The following DLAT variants were observed in gnomAD, a reference collection of about 807,000 sequenced individuals.
The protein encoded by DLAT is dihydrolipoamide S-acetyltransferase, also known as dihydrolipoyllysine-residue acetyltransferase component of pyruvate dehydrogenase complex, mitochondrial.
In DLAT, 43 loss-of-function variants were observed where a neutral mutation model predicts 68.0. That is an observed-to-expected ratio of 0.63 (90% CI 0.50 to 0.81). DLAT has a LOEUF of 0.81. Ranked by LOEUF, DLAT falls within the 40% of genes least tolerant of loss-of-function variation. DLAT has a pLI of 0.00. For missense variants in DLAT, 745 were observed against 815.4 expected (o/e 0.91, Z 1.05); for synonymous variants, 265 against 288.6 (o/e 0.92, Z 0.83).
chr11:112,058,033 T>C (rs587632289), intron 11 of DLAT, among the ~76,000 whole-genome samples: 1 of 152,326 alleles, frequency 6.6e-6, no homozygotes, highest in South Asian at 2.1e-4. Context: ...TATTGCAATA[T>C]TATTTTGGTG....
Position 112,025,713 on chromosome 11 carries a change from C to A in DLAT, c.241C>A (p.Pro81Thr). The A allele has an allele frequency of 6.2e-7, 1 of 1,612,868 alleles. No individual in the cohort carries two copies. Among genetic ancestry groups the A allele is most frequent in the South Asian group, 1.1e-5 (1 of 91,080 alleles). Residue 81 changes from proline (P) to threonine (T), a missense_variant, in exon 1 of 14, where the codon CCC becomes ACC. Transcript: ENST00000280346. ...CTTACTGCTGCAGCTTTTGGGGTCG[C>A]CCGGCCGCCGCTATTACAGTCTTCC... ...NRLLLQLLGS[P>T]GRRYYSLPPH...
intron 8 of DLAT, among the ~76,000 whole-genome samples, chr11:112,044,231 G>T (rs2137786557): frequency 6.6e-6 from 1 of 152,194 alleles, no homozygotes; most frequent in Non-Finnish European, 1.5e-5. Context: ...GTCTCACTCT[G>T]TCGCCCAGGC....
intron 10 of DLAT, among the ~76,000 whole-genome samples, chr11:112,046,712 C>T (rs1296855596): frequency 2.0e-5 from 3 of 151,872 alleles, no homozygotes; most frequent in African/African-American, 4.8e-5. Flanking sequence ...TGAGAACATG[C>T]GGTGTTTGGT....
intron 11 of DLAT, among the ~76,000 whole-genome samples, chr11:112,054,539 G>A (rs1555182295): frequency 1.3e-5 from 2 of 152,108 alleles, no homozygotes; most frequent in African/African-American, 2.4e-5. Context: ...CTCCACAAGC[G>A]AGGAGAGGAG....
intron 8 of DLAT, among the ~76,000 whole-genome samples, chr11:112,044,351 C>A (rs971132597): frequency 6.6e-6 from 1 of 152,114 alleles, no homozygotes; most frequent in Non-Finnish European, 1.5e-5. Flanking sequence ...CATGCCATCA[C>A]ACCTGGCTAA....
Position 112,064,122 on chromosome 11 carries a change from A to G in DLAT, c.*1587A>G, listed in dbSNP as rs1555183584. ...AAGATTATCCAAAAGAAACAAGCTT[A>G]TCACAAGGGACCATCATCAATATGA... On this transcript the variant is annotated 3_prime_UTR_variant, in exon 14 of 14. Transcript: ENST00000280346. 2.8e-6 allele frequency: 4 copies of G among 1,439,020 alleles called. No individual in the cohort carries two copies. The highest frequency in any genetic ancestry group is 3.7e-6 in the Non-Finnish European group (4 of 1,070,354). 89.1% of individuals were successfully genotyped at this position (1,439,020 alleles called of 1,614,324 possible).
Position 112,025,501 on chromosome 11 carries a change from A to C in DLAT, c.29A>C (p.Gln10Pro). Reference protein sequence around the residue: MWRVCARRAQNVAPWAGLEA... With the variant: MWRVCARRAPNVAPWAGLEA... ...TGGCGCGTCTGTGCGCGACGGGCTC[A>C]GAATGTAGCCCCATGGGCGGGACTC... is the stretch of plus-strand genomic sequence containing the variant. Residue 10 changes from glutamine (Q) to proline (P), a missense_variant, in exon 1 of 14, where the codon CAG (glutamine) becomes CCG (proline). Coordinates refer to ENST00000280346, the MANE Select transcript of DLAT (RefSeq NM_001931.5). The C allele has an allele frequency of 6.2e-7, 1 of 1,613,720 alleles. No individual in the cohort carries two copies. The highest frequency in any genetic ancestry group is 1.3e-5 in the African/African-American group (1 of 74,964).
intron 10 of DLAT, among the ~76,000 whole-genome samples, chr11:112,049,430 A>G (rs1361045692): frequency 1.3e-5 from 2 of 152,122 alleles, no homozygotes; most frequent in African/African-American, 2.4e-5. Context: ...ATAGTTTTTC[A>G]GAGTGTAAGT....
chr11:112,029,052 C>A, intron 4 of DLAT, 107 bp downstream of exon 4: 1 of 1,298,108 alleles, frequency 7.7e-7, no homozygotes, highest in Non-Finnish European at 1.1e-6. Flanking sequence ...GTGGTTAGGT[C>A]TTGTCATTTG....
At chr11:112,050,989 A>T (rs1863591024) in intron 10 of DLAT, among the ~76,000 whole-genome samples, 1 of 152,132 alleles carries the variant, frequency 6.6e-6, no homozygotes, top group African/African-American at 2.4e-5. Context: ...TCTCACGATT[A>T]TACAGTTTTA....
At chr11:112,028,733 A>G (rs1555179671) in intron 3 of DLAT, 59 bp from the exon 4 acceptor site, 2 of 1,613,844 alleles carry the variant, frequency 1.2e-6, no homozygotes, top group East Asian at 4.5e-5. Flanking sequence ...ATTTTTTAAG[A>G]CTACTTTTGT....
chr11:112,033,672 AT>A, intron 5 of DLAT, 142 bp downstream of exon 5: 5 of 933,992 alleles, frequency 5.4e-6, no homozygotes, highest in Non-Finnish European at 8.0e-6. Context: ...AGAATATTTT[AT>A]TTTTATTTAG....
intron 11 of DLAT, among the ~76,000 whole-genome samples, chr11:112,052,452 G>A (rs1229014503): frequency 6.6e-6 from 1 of 152,148 alleles, no homozygotes; most frequent in African/African-American, 2.4e-5. Context: ...TCTTCCTTGG[G>A]TTTGATTAAC....
Position 112,063,915 on chromosome 11 carries a change from T to C in DLAT, c.*1380T>C. 2.7e-6 allele frequency: 1 copy of C among 365,872 alleles called. No individual in the cohort carries two copies. Among genetic ancestry groups the C allele is most frequent in the Admixed American group, 4.3e-5 (1 of 23,190 alleles). 22.7% of individuals were successfully genotyped at this position (365,872 alleles called of 1,614,324 possible). ...GACCAGTGCTTCCTGGTATATGTAA[T>C]ATGTGGAGTTAGCCCCTGAAATTTG... On this transcript the variant is annotated 3_prime_UTR_variant, in exon 14 of 14. Coordinates refer to ENST00000280346, the MANE Select transcript of DLAT (RefSeq NM_001931.5).
intron 8 of DLAT, 94 bp from the exon 9 acceptor site, chr11:112,045,041 CAAA>C: frequency 1.3e-6 from 1 of 789,278 alleles, no homozygotes; most frequent in Non-Finnish European, 2.1e-6. Context: ...TCTCAAAAGA[CAAA>C]AAAAAAAAAC....
rs375316997 is a variant in DLAT, at chr11:112,028,808, G to C, written c.523G>C (p.Ala175Pro). Residue 175 changes from alanine (A) to proline (P), a missense_variant, in exon 4 of 14, where the codon GCC (alanine) becomes CCC (proline). Coordinates refer to ENST00000280346, the MANE Select transcript of DLAT (RefSeq NM_001931.5). Reference protein sequence around the residue: ...ITVGKPEDIEAFKNYTLDSSA... With the variant: ...ITVGKPEDIEPFKNYTLDSSA... ...CTTCCTTAGGCCTGAGGATATTGAG[G>C]CCTTTAAAAATTATACACTGGATTC... is the stretch of plus-strand genomic sequence containing the variant. The C allele has an allele frequency of 2.8e-5, 45 of 1,614,032 alleles. No individual in the cohort carries two copies. Among genetic ancestry groups the C allele is most frequent in the Non-Finnish European group, 3.8e-5 (45 of 1,180,002 alleles).
intron 7 of DLAT, among the ~76,000 whole-genome samples, chr11:112,040,559 G>T (rs587637683): frequency 1.3e-5 from 2 of 152,242 alleles, no homozygotes; most frequent in African/African-American, 4.8e-5. Context: ...GTACTCAATG[G>T]TGGTTATCCC....
intron 5 of DLAT, among the ~76,000 whole-genome samples, chr11:112,036,133 A>G (rs1188040946): frequency 2.2e-5 from 3 of 136,786 alleles, no homozygotes; most frequent in Non-Finnish European, 4.6e-5. Flanking sequence ...ACATATATAT[A>G]TGTGTGTGTA....
chr11:112,025,554 G>C lies in DLAT; in HGVS notation c.82G>C (p.Val28Leu). 6.2e-7 allele frequency: 1 copy of C among 1,613,922 alleles called. No individual in the cohort carries two copies. The change falls in exon 1 of 14, where the codon GTA becomes CTA. Residue 28 changes from valine (V) to leucine (L), a missense_variant. Val to Leu is a conservative substitution (Grantham distance 32). Transcript: ENST00000280346. ...LEARWTALQE[V>L]PGTPRVTSRS... ...GGCTCGGTGGACGGCCTTGCAGGAG[G>C]TACCCGGAACTCCACGAGTGACCTC...
Sources: gnomAD v4.1 joint callset for allele counts (sites outside exome capture counted in the v4.1 genomes callset) on GRCh38, gnomAD v4.1.1 for gene constraint, MANE v1.5 for transcripts, NCBI Gene and HGNC (gene_info 2026-07-23, HGNC 2026-07-21) for gene names.